The following LCLAT1 variants were observed in gnomAD, a reference collection of about 807,000 sequenced individuals.
LCLAT1 encodes lysocardiolipin acyltransferase 1, also known as 1-AGP acyltransferase 8.
In LCLAT1, 11 loss-of-function variants were observed where a neutral mutation model predicts 30.7. That is an observed-to-expected ratio of 0.36 (90% CI 0.23 to 0.59). LCLAT1 has a LOEUF of 0.59. LCLAT1 is among the 20% of genes least tolerant of loss of function. The pLI is 0.77. For missense variants in LCLAT1, 402 were observed against 458.6 expected (o/e 0.88, Z 1.13); for synonymous variants, 155 against 151.3 (o/e 1.02, Z -0.18).
intron 5 of LCLAT1, among the ~76,000 whole-genome samples, chr2:30,574,927 GTA>G (rs1665931064): frequency 6.6e-6 from 1 of 152,186 alleles, no homozygotes. Context: ...ACAATGAGGA[GTA>G]TGTGTTTTTC....
At chr2:30,521,729 T>A (rs1274196035) in intron 1 of LCLAT1, among the ~76,000 whole-genome samples, 3 of 151,734 alleles carry the variant, frequency 2.0e-5, no homozygotes, top group African/African-American at 4.8e-5. Context: ...ATGGTCTCGA[T>A]CTCCTGACCT....
At chr2:30,492,883 C>G (rs1221660698) in intron 1 of LCLAT1, among the ~76,000 whole-genome samples, 1 of 152,124 alleles carries the variant, frequency 6.6e-6, no homozygotes, top group Non-Finnish European at 1.5e-5. Flanking sequence ...CTGTGAATTT[C>G]ATTTATACAT....
chr2:30,516,501 C>G (rs1685191165), intron 1 of LCLAT1, among the ~76,000 whole-genome samples: 1 of 152,202 alleles, frequency 6.6e-6, no homozygotes, highest in South Asian at 2.1e-4. Context: ...CCTAGTAGAG[C>G]TGAACACTAG....
chr2:30,578,832 T>C (rs7355326), intron 5 of LCLAT1, among the ~76,000 whole-genome samples: 19,255 of 152,134 alleles, frequency 0.13, 1,343 homozygotes, highest in South Asian at 0.23. Context: ...TTTTCTAGCT[T>C]ATAAGATTTA....
chr2:30,522,207 T>A (rs1381462683), intron 1 of LCLAT1, among the ~76,000 whole-genome samples: 6 of 152,202 alleles, frequency 3.9e-5, no homozygotes, highest in Admixed American at 3.9e-4. Context: ...GTCTTGGATA[T>A]TCAGTAGAAT....
chr2:30,575,372 C>T (rs1665950654), intron 5 of LCLAT1, among the ~76,000 whole-genome samples: 1 of 151,950 alleles, frequency 6.6e-6, no homozygotes, highest in Non-Finnish European at 1.5e-5. Flanking sequence ...ATTATAGGTA[C>T]TCAATAAATT....
At position 30,487,931 on chromosome 2, in the gene LCLAT1, C is replaced by T. The variant is rs969609373; in HGVS notation, c.-4-37656C>T. On this transcript the variant is annotated intron_variant, in intron 1 of 5. Coordinates refer to ENST00000379509, the MANE Select transcript of LCLAT1 (RefSeq NM_001002257.3). ...AGAGCAGACCACAAGCACTCCTCAACCCAAGTGAGAGTGATGCAGTGTTCT... is the reference window on the plus strand; with the variant it reads ...AGAGCAGACCACAAGCACTCCTCAATCCAAGTGAGAGTGATGCAGTGTTCT... Among the ~76,000 whole-genome samples the T allele has an allele frequency of 2.0e-5, 3 of 152,314 alleles. No homozygotes were observed. In the South Asian group the frequency reaches 6.2e-4, roughly 32 times the overall value.
intron 5 of LCLAT1, among the ~76,000 whole-genome samples, chr2:30,578,634 G>A (rs1232664500): frequency 6.6e-6 from 1 of 152,074 alleles, no homozygotes; most frequent in Non-Finnish European, 1.5e-5. Context: ...CAGTTAACCA[G>A]CACCTCTCAA....
chr2:30,513,704 C>T (rs1470748432), intron 1 of LCLAT1, among the ~76,000 whole-genome samples: 1 of 152,300 alleles, frequency 6.6e-6, no homozygotes, highest in South Asian at 2.1e-4. Flanking sequence ...TATTCGTAGT[C>T]ACCCCTCTGC....
chr2:30,593,567 G>A (rs573326826), intron 5 of LCLAT1, among the ~76,000 whole-genome samples: 2 of 152,186 alleles, frequency 1.3e-5, no homozygotes, highest in African/African-American at 4.8e-5. Context: ...TTAGTATTGT[G>A]TTTTTTATTT....
chr2:30,491,379 G>T (rs116560932), intron 1 of LCLAT1, among the ~76,000 whole-genome samples: 293 of 152,274 alleles, frequency 1.9e-3, no homozygotes, highest in Middle Eastern at 0.01. Context: ...CCTAAGGTAG[G>T]TACTGTTGTT....
At chr2:30,602,443 G>A (rs376365639) in intron 5 of LCLAT1, among the ~76,000 whole-genome samples, 3 of 152,144 alleles carry the variant, frequency 2.0e-5, no homozygotes, top group Admixed American at 6.6e-5. Flanking sequence ...TGGCTACAAC[G>A]TGAATTTTGT....
At chr2:30,544,629 CCTT>C (rs140671663) in intron 3 of LCLAT1, among the ~76,000 whole-genome samples, 2,271 of 152,182 alleles carry the variant, frequency 0.015, 50 homozygotes, top group African/African-American at 0.052. Flanking sequence ...GGGCTAGAGT[CCTT>C]CTCAACTTCC....
intron 5 of LCLAT1, among the ~76,000 whole-genome samples, chr2:30,612,711 T>C (rs1427612176): frequency 6.6e-6 from 1 of 152,138 alleles, no homozygotes; most frequent in Admixed American, 6.5e-5. Context: ...GGATCATTAA[T>C]CACAATTACT....
At chr2:30,600,470 G>A (rs1667131098) in intron 5 of LCLAT1, among the ~76,000 whole-genome samples, 1 of 152,090 alleles carries the variant, frequency 6.6e-6, no homozygotes, top group African/African-American at 2.4e-5. Flanking sequence ...AGAACCAAGA[G>A]CAAACAAACT....
Position 30,634,583 on chromosome 2 carries a change from C to T in LCLAT1, c.629-5534C>T, listed in dbSNP as rs371874031. ...GAGGTTGCAGTGAGCCGGCGACAAG[C>T]GCAAAACTCCATCTCAAAATAAAAA... On this transcript the variant is annotated intron_variant, in intron 5 of 5. Coordinates refer to ENST00000379509, the MANE Select transcript of LCLAT1 (RefSeq NM_001002257.3). Among the ~76,000 whole-genome samples the T allele has an allele frequency of 2.8e-4, 42 of 152,216 alleles. No individual in the cohort carries two copies. The East Asian group carries it at 6.6e-3, about 24-fold the overall frequency.
chr2:30,606,932 A>G (rs1212480573), intron 5 of LCLAT1: 2 of 152,184 alleles, frequency 1.3e-5, no homozygotes, highest in Admixed American at 6.5e-5. Context: ...AGGGACATGA[A>G]CAGACACTTC....
intron 1 of LCLAT1, among the ~76,000 whole-genome samples, chr2:30,492,955 A>G (rs1273193831): frequency 6.6e-6 from 1 of 152,192 alleles, no homozygotes; most frequent in Non-Finnish European, 1.5e-5. Flanking sequence ...CCCTTTTTAA[A>G]AAAGCTCTGG....
intron 5 of LCLAT1, among the ~76,000 whole-genome samples, chr2:30,577,813 T>C (rs35226136): frequency 6.6e-6 from 1 of 152,116 alleles, no homozygotes; most frequent in Non-Finnish European, 1.5e-5. Context: ...TTCTTCTTTG[T>C]CTTTGACCAT....
Sources: allele counts gnomAD v4.1 joint callset (sites outside exome capture counted in the v4.1 genomes callset), GRCh38; gene constraint gnomAD v4.1.1; transcripts MANE v1.5; gene names NCBI Gene and HGNC (gene_info 2026-07-23, HGNC 2026-07-21).